Variants in POLR3G observed in about 807,000 individuals in gnomAD.
The protein encoded by POLR3G is RNA polymerase III subunit G, also known as DNA-directed RNA polymerase III subunit RPC7.
POLR3G carries 28 observed loss-of-function variants against 30.1 expected under a neutral mutation model. The observed-to-expected ratio is 0.93, with a 90% CI of 0.69 to 1.27. The LOEUF is 1.27. Among genes scored for constraint, POLR3G ranks in the 50% most tolerant of loss-of-function variants. The pLI is 0.00. For synonymous variants in POLR3G, 79 were observed against 82.5 expected (o/e 0.96, Z 0.23); for missense variants, 254 against 264.6 (o/e 0.96, Z 0.28).
chr5:90,495,781 TCTCAC>T (rs763748531), intron 4 of POLR3G, 48 bp downstream of exon 4: 47 of 1,526,502 alleles, frequency 3.1e-5, no homozygotes, highest in Non-Finnish European at 3.1e-5. Flanking sequence ...AGGCTGTCTC[TCTCAC>T]CTCATGTTTT....
At chr5:90,506,507 A>G in intron 6 of POLR3G, 21 bp from the exon 7 acceptor site, 1 of 1,607,962 alleles carries the variant, frequency 6.2e-7, no homozygotes, top group Non-Finnish European at 8.5e-7. Context: ...CATACAAATT[A>G]ATGAAACTCA....
Position 90,495,694 on chromosome 5 carries a change from A to G in POLR3G, c.265A>G (p.Lys89Glu). The G allele has an allele frequency of 1.9e-6, 3 of 1,600,660 alleles. No homozygotes were observed. The South Asian group carries it at 3.4e-5, about 18-fold the overall frequency. ...TCCCCTAGATATTGAAAGGTATAGTAAAAGATACATGAAGGTATACAAGGA... is the reference window on the plus strand; with the variant it reads ...TCCCCTAGATATTGAAAGGTATAGTGAAAGATACATGAAGGTATACAAGGA... ...EERQDIERYS[K>E]RYMKVYKEEW... Residue 89 changes from lysine (K) to glutamate (E), a missense_variant, in exon 4 of 8, where the codon AAA (lysine) becomes GAA (glutamate). Coordinates refer to ENST00000651687, the MANE Select transcript of POLR3G (RefSeq NM_006467.3).
rs1374563658 is a variant in POLR3G at position 90,514,392 on chromosome 5, A to G, written c.*2253A>G. ...TTTACACATTAAATTCTTACAAAAC[A>G]AAATGTGTTCGTTTGTTTTATAGTA... On this transcript the variant is annotated 3_prime_UTR_variant, in exon 8 of 8. Coordinates refer to ENST00000651687, the MANE Select transcript of POLR3G (RefSeq NM_006467.3). 3 of 152,186 alleles carry G rather than the reference A, an allele frequency of 2.0e-5. No individual in the cohort carries two copies. The highest frequency in any genetic ancestry group is 4.4e-5 in the Non-Finnish European group (3 of 68,040). 9.4% of individuals were successfully genotyped at this position (152,186 alleles called of 1,614,324 possible). A position where few individuals can be genotyped will look rare whatever the true frequency, so the allele number is the denominator to read the frequency against.
rs1001909771 is a variant in POLR3G, at chr5:90,513,485, C to T, written c.*1346C>T. 1 of 152,632 alleles carries T rather than the reference C, an allele frequency of 6.6e-6. No homozygotes were observed. Among genetic ancestry groups the T allele is most frequent in the South Asian group, 2.1e-4 (1 of 4,826 alleles). 9.5% of individuals were successfully genotyped at this position (152,632 alleles called of 1,614,324 possible). ...TCTTAACTTACATTTGGCTCTCACC[C>T]TCTAAAAATTTGTAGTTTGGAGAGT... On this transcript the variant is annotated 3_prime_UTR_variant, in exon 8 of 8. Coordinates refer to ENST00000651687, the MANE Select transcript of POLR3G (RefSeq NM_006467.3).
intron 3 of POLR3G, among the ~76,000 whole-genome samples, chr5:90,492,065 G>A (rs1161542893): frequency 6.6e-6 from 1 of 152,102 alleles, no homozygotes; most frequent in Admixed American, 6.5e-5. Context: ...AGAAAAACAT[G>A]TTCCACAATT....
chr5:90,492,010 A>C (rs1751750104), intron 3 of POLR3G, among the ~76,000 whole-genome samples: 1 of 152,198 alleles, frequency 6.6e-6, no homozygotes, highest in African/African-American at 2.4e-5. Context: ...ACAATTGAAA[A>C]TTTCAAAAAT....
intron 1 of POLR3G, among the ~76,000 whole-genome samples, chr5:90,476,779 TG>T (rs1750847827): frequency 6.6e-6 from 1 of 152,254 alleles, no homozygotes. Flanking sequence ...ATTCTCTACA[TG>T]GCTCTTTGCC....
intron 6 of POLR3G, 74 bp downstream of exon 6, chr5:90,502,062 A>G (rs1752271988): frequency 5.8e-6 from 9 of 1,539,676 alleles, no homozygotes; most frequent in East Asian, 2.4e-5. Context: ...CTCTGTTTCA[A>G]CCTTTCAGCA....
chr5:90,474,609 T>A, upstream of POLR3G: 1 of 376,946 alleles, frequency 2.7e-6, no homozygotes, highest in Non-Finnish European at 4.9e-6. Context: ...CAGGGGCCAC[T>A]GCAGCAGAAT....
chr5:90,514,386 C>G lies in POLR3G; in HGVS notation c.*2247C>G. On this transcript the variant is annotated 3_prime_UTR_variant, in exon 8 of 8. Transcript: ENST00000651687. ...TATTTATTTACACATTAAATTCTTACAAAACAAAATGTGTTCGTTTGTTTT... is the reference window on the plus strand; with the variant it reads ...TATTTATTTACACATTAAATTCTTAGAAAACAAAATGTGTTCGTTTGTTTT... The G allele has an allele frequency of 6.6e-6, 1 of 152,254 alleles. No homozygotes were observed. The highest frequency in any genetic ancestry group is 2.4e-5 in the African/African-American group (1 of 41,542). 9.4% of individuals were successfully genotyped at this position (152,254 alleles called of 1,614,324 possible). A position where few individuals can be genotyped will look rare whatever the true frequency, so the allele number is the denominator to read the frequency against.
At chr5:90,490,741 C>A (rs1751684747) in intron 3 of POLR3G, 5 of 276,980 alleles carry the variant, frequency 1.8e-5, no homozygotes, top group African/African-American at 2.2e-5. Flanking sequence ...GTTTAAAAAA[C>A]ACACGCATGT....
chr5:90,474,333 G>C (rs762012309), upstream of POLR3G: 25 of 1,568,386 alleles, frequency 1.6e-5, no homozygotes, highest in Non-Finnish European at 1.8e-5. Context: ...GTGTGGGCGT[G>C]CGAGTCTCCC....
At chr5:90,484,783 A>G (rs1311316096) in intron 1 of POLR3G, among the ~76,000 whole-genome samples, 3 of 152,194 alleles carry the variant, frequency 2.0e-5, no homozygotes, top group Admixed American at 6.5e-5. Flanking sequence ...AGGGAAAGAA[A>G]TGTAAAGAAT....
At chr5:90,502,395 G>A in intron 6 of POLR3G, 1 of 893,982 alleles carries the variant, frequency 1.1e-6, no homozygotes, top group Non-Finnish European at 1.3e-6. Flanking sequence ...TTGGTCTTAA[G>A]TATTGAAGAC....
chr5:90,506,410 G>A, intron 6 of POLR3G, 118 bp from the exon 7 acceptor site: 1 of 1,360,430 alleles, frequency 7.4e-7, no homozygotes, highest in Non-Finnish European at 9.8e-7. Flanking sequence ...TGGTAGCCAG[G>A]AGGTGGTGGT....
intron 3 of POLR3G, among the ~76,000 whole-genome samples, chr5:90,491,390 C>A (rs1751717958): frequency 6.6e-6 from 1 of 152,158 alleles, no homozygotes; most frequent in Non-Finnish European, 1.5e-5. Context: ...TGTCATAAGT[C>A]ATTTTCAGAA....
intron 7 of POLR3G, 152 bp downstream of exon 7, chr5:90,506,826 A>G: frequency 1.6e-6 from 2 of 1,286,080 alleles, no homozygotes; most frequent in Non-Finnish European, 2.0e-6. Context: ...CTTGCTATCA[A>G]GAGAACTTCC....
At chr5:90,491,426 A>G (rs1197911685) in intron 3 of POLR3G, among the ~76,000 whole-genome samples, 5 of 152,106 alleles carry the variant, frequency 3.3e-5, no homozygotes, top group Non-Finnish European at 5.9e-5. Context: ...GAAATTATAC[A>G]TTTACTTAAA....
Position 90,512,214 on chromosome 5 carries a change from T to C in POLR3G, c.*75T>C. On this transcript the variant is annotated 3_prime_UTR_variant, in exon 8 of 8. Transcript: ENST00000651687. ...GGACAGACTTGATTTGTATTTTATT[T>C]CTGATAAGGAATAAGTACTTGTTTC... 1.1e-6 allele frequency: 1 copy of C among 948,630 alleles called. No homozygotes were observed. The highest frequency in any genetic ancestry group is 1.7e-6 in the Non-Finnish European group (1 of 592,432). The allele number at this position is 948,630 out of a possible 1,614,324, so 58.8% of individuals were successfully genotyped here.
Sources: allele counts gnomAD v4.1 joint callset (sites outside exome capture counted in the v4.1 genomes callset), GRCh38; gene constraint gnomAD v4.1.1; transcripts MANE v1.5; gene names NCBI Gene and HGNC (gene_info 2026-07-23, HGNC 2026-07-21).